Variants in NUP160 observed in about 807,000 individuals in gnomAD.
NUP160 encodes the protein nucleoporin 160.
In NUP160, 94 loss-of-function variants were observed where a neutral mutation model predicts 196.9. The observed-to-expected ratio is 0.48, with a 90% confidence interval of 0.40 to 0.57. The LOEUF (loss-of-function observed/expected upper bound fraction) is 0.57, where lower values mean the gene tolerates loss of function less well. Ranked by LOEUF, NUP160 falls within the 20% of genes least tolerant of loss-of-function variation. The pLI, the probability that NUP160 is intolerant of heterozygous loss-of-function variation, is 0.00. For synonymous variants in NUP160, 605 were observed against 619.7 expected, an observed-to-expected ratio of 0.98 and a Z score of 0.35; for missense variants, 1,638 against 1,748.3, an observed-to-expected ratio of 0.94 and a Z score of 1.13.
At chr11:47,841,289 T>C (rs1852292451) in intron 2 of NUP160, 2 of 287,848 alleles carry the variant, frequency 6.9e-6, no homozygotes, top group African/African-American at 4.5e-5. Context: ...CAGATCTCAC[T>C]GCTGCACAGG....
intron 20 of NUP160, among the ~76,000 whole-genome samples, chr11:47,805,664 T>A (rs1229088414): frequency 6.6e-6 from 1 of 151,950 alleles, no homozygotes; most frequent in Non-Finnish European, 1.5e-5. Flanking sequence ...TCCAGGATGG[T>A]CTCGATCTCC....
intron 13 of NUP160, 45 bp downstream of exon 13, chr11:47,815,434 C>A: frequency 6.9e-7 from 1 of 1,451,402 alleles, no homozygotes; most frequent in Non-Finnish European, 9.1e-7. Context: ...ATAACAGCCA[C>A]TGAACTGTCT....
chr11:47,789,555 T>C (rs968501457), intron 29 of NUP160, among the ~76,000 whole-genome samples: 9 of 152,272 alleles, frequency 5.9e-5, no homozygotes, highest in South Asian at 2.1e-4. Flanking sequence ...CATTTTCATT[T>C]CTCTTACTGT....
chr11:47,802,292 G>A (rs1416518346), intron 22 of NUP160, among the ~76,000 whole-genome samples: 2 of 152,076 alleles, frequency 1.3e-5, no homozygotes, highest in African/African-American at 2.4e-5. Flanking sequence ...TTAGCCGGGC[G>A]TGGTGGCGTG....
chr11:47,847,242 G>GCTAA (rs1264575472), intron 2 of NUP160, among the ~76,000 whole-genome samples: 1 of 152,018 alleles, frequency 6.6e-6, no homozygotes, highest in Non-Finnish European at 1.5e-5. Flanking sequence ...CCCATGCCTG[G>GCTAA]CTAACCTCGT....
At chr11:47,813,245 T>C in intron 14 of NUP160, 71 bp downstream of exon 14, 1 of 1,196,656 alleles carries the variant, frequency 8.4e-7, no homozygotes, top group Non-Finnish European at 1.2e-6. Context: ...ATATTTTTTG[T>C]ATCCATGTGA....
Position 47,836,881 on chromosome 11 carries a change from A to T in NUP160, c.942+6T>A, listed in dbSNP as rs953864463. The T allele has an allele frequency of 6.7e-7, 1 of 1,497,290 alleles. No homozygotes were observed. The highest frequency in any genetic ancestry group is 9.3e-7 in the Non-Finnish European group (1 of 1,074,030). 92.8% of individuals were successfully genotyped at this position (1,497,290 alleles called of 1,614,324 possible). On this transcript the variant is annotated splice_donor_region_variant and intron_variant, in intron 6 of 35. Transcript: ENST00000378460. ...AACTTACAGCAACTATAAATGTAGC[A>T]CTTACCTTGTAAGACCACATTCGTA...
intron 32 of NUP160, 118 bp from the exon 33 acceptor site, chr11:47,785,181 C>A: frequency 2.2e-6 from 1 of 458,252 alleles, no homozygotes; most frequent in Non-Finnish European, 3.8e-6. Flanking sequence ...TGCTCTGTCA[C>A]CCAGGCTAGA....
intron 29 of NUP160, among the ~76,000 whole-genome samples, chr11:47,791,422 C>T (rs556337213): frequency 2.6e-5 from 4 of 152,366 alleles, no homozygotes; most frequent in African/African-American, 9.6e-5. Context: ...TCACGGCAAC[C>T]TCTGCTTCCT....
chr11:47,796,693 C>T (rs1477964060), intron 27 of NUP160, among the ~76,000 whole-genome samples: 1 of 152,132 alleles, frequency 6.6e-6, no homozygotes, highest in Admixed American at 6.6e-5. Flanking sequence ...AAAAAGAATT[C>T]ACCAGGATAT....
chr11:47,792,726 C>G, intron 28 of NUP160, 60 bp downstream of exon 28: 2 of 1,445,194 alleles, frequency 1.4e-6, no homozygotes, highest in Non-Finnish European at 1.9e-6. Context: ...AGGACCAAAA[C>G]AAGTAGATTT....
At chr11:47,810,353 A>G (rs985805554) in intron 17 of NUP160, among the ~76,000 whole-genome samples, 1 of 151,896 alleles carries the variant, frequency 6.6e-6, no homozygotes, top group African/African-American at 2.4e-5. Flanking sequence ...TTGCTGCACC[A>G]TGCCCGGCTA....
At chr11:47,838,649 G>C (rs1387133303) in intron 4 of NUP160, among the ~76,000 whole-genome samples, 1 of 151,750 alleles carries the variant, frequency 6.6e-6, no homozygotes, top group African/African-American at 2.4e-5. Flanking sequence ...GGCGGAGGTT[G>C]CAGTGAGCCA....
At chr11:47,846,311 C>T (rs1852402501) in intron 2 of NUP160, among the ~76,000 whole-genome samples, 1 of 152,160 alleles carries the variant, frequency 6.6e-6, no homozygotes, top group Non-Finnish European at 1.5e-5. Flanking sequence ...GTATCTCTAA[C>T]ATAAAGTCAC....
chr11:47,778,386 A>C (rs1173542915), exon 36 of NUP160: 1 of 152,642 alleles, frequency 6.6e-6, no homozygotes, highest in Non-Finnish European at 1.5e-5. Flanking sequence ...TGTATGATCA[A>C]GTCCAGCTTG....
rs564328825 is a variant in NUP160, at chr11:47,844,249, C to G, written c.314+3599G>C. Among the ~76,000 whole-genome samples the G allele has an allele frequency of 3.3e-5, 5 of 152,300 alleles. 1 individual carries two copies. Among genetic ancestry groups the G allele is most frequent in the African/African-American group, 1.2e-4 (5 of 41,558 alleles). ...CCTAACTGGTCTCCCTGCACCTACC[C>G]TTTCCCCCACCACGCTCTATTCTCA... On this transcript the variant is annotated intron_variant, in intron 2 of 35. Transcript: ENST00000378460.
intron 2 of NUP160, among the ~76,000 whole-genome samples, chr11:47,844,252 TC>T (rs1295254071): frequency 7.2e-5 from 11 of 152,082 alleles, no homozygotes; most frequent in Non-Finnish European, 1.5e-4. Context: ...ACCTACCCTT[TC>T]CCCCACCACG....
intron 7 of NUP160, among the ~76,000 whole-genome samples, chr11:47,825,136 G>A (rs1428137522): frequency 4.0e-5 from 6 of 151,658 alleles, no homozygotes; most frequent in Non-Finnish European, 7.4e-5. Context: ...GCGCCCAGCC[G>A]GACTTTTATT....
intron 30 of NUP160, 82 bp downstream of exon 30, chr11:47,788,419 T>C (rs2097665926): frequency 6.5e-7 from 1 of 1,531,168 alleles, no homozygotes; most frequent in African/African-American, 1.4e-5. Context: ...TATACCCATC[T>C]ACCATGCTAC....
Sources: gnomAD v4.1 joint callset for allele counts (sites outside exome capture counted in the v4.1 genomes callset) on GRCh38, gnomAD v4.1.1 for gene constraint, MANE v1.5 for transcripts, NCBI Gene and HGNC (gene_info 2026-07-23, HGNC 2026-07-21) for gene names.